Variants in OPRM1 observed in about 807,000 individuals in gnomAD.
OPRM1 encodes the protein mu-type opioid receptor.
Under a neutral mutation model 31.8 loss-of-function variants are expected in OPRM1, and 27 were observed. The observed-to-expected ratio is 0.85, with a 90% CI of 0.63 to 1.17. The LOEUF is 1.17. Ranked by LOEUF, OPRM1 falls within the 50% of genes most tolerant of loss-of-function variation. The pLI is 0.00. For missense variants in OPRM1, 536 were observed against 511.1 expected (o/e 1.05, Z -0.47); for synonymous variants, 196 against 189.9 (o/e 1.03, Z -0.26).
At chr6:154,229,477 G>A (rs1289942608) in intron 3 of OPRM1, among the ~76,000 whole-genome samples, 49 of 150,668 alleles carry the variant, frequency 3.3e-4, no homozygotes. Flanking sequence ...AGCCTCCCGA[G>A]TAGCTGGGAC....
intron 1 of OPRM1, among the ~76,000 whole-genome samples, chr6:154,047,567 G>C (rs952130858): frequency 6.6e-6 from 1 of 152,080 alleles, no homozygotes; most frequent in Non-Finnish European, 1.5e-5. Context: ...GATGCAAAGA[G>C]GTTCCACCAA....
At chr6:154,105,943 T>G (rs1795501166) in intron 3 of OPRM1, among the ~76,000 whole-genome samples, 1 of 152,238 alleles carries the variant, frequency 6.6e-6, no homozygotes, top group Non-Finnish European at 1.5e-5. Flanking sequence ...AAACCTTTTA[T>G]AACCATTTAC....
In OPRM1 at chr6:154,039,765, T is replaced by C. The variant is rs564629810; in HGVS notation, c.221T>C (p.Met74Thr). 48 of 1,605,334 alleles carry C rather than the reference T, an allele frequency of 3.0e-5. No individual in the cohort carries two copies. The East Asian group carries it at 9.8e-4, about 33-fold the overall frequency. Residue 74 changes from methionine to threonine, a missense_variant, in exon 1 of 4, where the codon ATG becomes ACG. By Grantham distance (81) the Met-to-Thr change is moderately conservative (BLOSUM62 -1). Transcript: ENST00000330432. ...SPSMITAITI[M>T]ALYSIVCVVG... is the part of the protein sequence containing the mutation. Reference sequence around the variant, plus strand: ...TCCATGATCACGGCCATCACGATCATGGCCCTCTACTCCATCGTGTGCGTG... The same window carrying C: ...TCCATGATCACGGCCATCACGATCACGGCCCTCTACTCCATCGTGTGCGTG...
intron 3 of OPRM1, among the ~76,000 whole-genome samples, chr6:154,111,941 A>G (rs1282703094): frequency 6.6e-6 from 1 of 151,794 alleles, no homozygotes; most frequent in African/African-American, 2.4e-5. Context: ...AATTTTTTGT[A>G]TTTTTAGTAG....
In OPRM1 at chr6:154,054,097, C is replaced by T. The variant is rs151225097; in HGVS notation, c.290+14263C>T. On this transcript the variant is annotated intron_variant, in intron 1 of 3. Transcript: ENST00000330432. The stretch of plus-strand genomic sequence containing the variant: ...TTACCTGGAAAGCTTACACCGGTCT[C>T]GGTGGCTCACGCCTGTAATCTCAGC... Among the ~76,000 whole-genome samples the T allele has an allele frequency of 3.6e-3, 544 of 152,178 alleles. 5 individuals are homozygous for T. Among genetic ancestry groups the T allele is most frequent in the Middle Eastern group, 6.8e-3 (2 of 292 alleles).
chr6:154,165,394 C>A (rs1222496081), intron 3 of OPRM1, among the ~76,000 whole-genome samples: 3 of 152,184 alleles, frequency 2.0e-5, no homozygotes, highest in African/African-American at 4.8e-5. Context: ...CATGAACATG[C>A]ACACATGTAC....
chr6:154,089,883 T>C lies in OPRM1; in HGVS notation c.348T>C (p.Asp116=), dbSNP rs368512118. The change falls in exon 2 of 4, where the codon GAT becomes GAC. Residue 116 remains aspartate, a synonymous_variant. Coordinates refer to ENST00000330432, the MANE Select transcript of OPRM1 (RefSeq NM_000914.5). ...ACATTTTCAACCTTGCTCTGGCAGA[T>C]GCCTTAGCCACCAGTACCCTGCCCT... ...NIYIFNLALA[D]ALATSTLPFQ... is the part of the protein sequence containing the mutation. 8 of 1,614,168 alleles carry C rather than the reference T, an allele frequency of 5.0e-6. No homozygotes were observed. Among genetic ancestry groups the C allele is most frequent in the Admixed American group, 3.3e-5 (2 of 60,020 alleles).
intron 3 of OPRM1, among the ~76,000 whole-genome samples, chr6:154,163,324 CT>C (rs761832972): frequency 5.9e-5 from 9 of 152,192 alleles, no homozygotes; most frequent in Non-Finnish European, 1.2e-4. Context: ...GTTTTTGTTC[CT>C]TTTGCCTGAA....
At chr6:154,033,369 C>T (rs955307726) in intron 1 of OPRM1, among the ~76,000 whole-genome samples, 2 of 152,070 alleles carry the variant, frequency 1.3e-5, no homozygotes, top group African/African-American at 4.8e-5. Context: ...GAATAAAGTG[C>T]CAGTTTTTAA....
At chr6:154,105,751 A>C (rs184467180) in intron 3 of OPRM1, among the ~76,000 whole-genome samples, 3 of 152,232 alleles carry the variant, frequency 2.0e-5, no homozygotes. Flanking sequence ...TAACACATTT[A>C]TGCAAATATA....
chr6:154,209,794 C>G (rs759601805), intron 3 of OPRM1, among the ~76,000 whole-genome samples: 1 of 151,812 alleles, frequency 6.6e-6, no homozygotes, highest in Non-Finnish European at 1.5e-5. Flanking sequence ...AATATGTGAT[C>G]AGGAGGAACA....
intron 3 of OPRM1, among the ~76,000 whole-genome samples, chr6:154,179,877 A>T (rs1800682154): frequency 1.3e-5 from 2 of 152,178 alleles, no homozygotes. Flanking sequence ...AACCTTGTTA[A>T]CATGTAGATT....
chr6:154,067,087 A>T (rs1291814324), intron 1 of OPRM1, among the ~76,000 whole-genome samples: 2 of 151,950 alleles, frequency 1.3e-5, no homozygotes, highest in Non-Finnish European at 2.9e-5. Flanking sequence ...CTAGTTAAAG[A>T]TTTGCCAATT....
chr6:154,192,279 G>A (rs4626437), intron 3 of OPRM1, among the ~76,000 whole-genome samples: 14,367 of 150,544 alleles, frequency 0.095, 1,076 homozygotes, highest in African/African-American at 0.21. Context: ...TTTGCTGGCT[G>A]ATTTCTGTTT....
intron 3 of OPRM1, among the ~76,000 whole-genome samples, chr6:154,243,555 A>G (rs1490466743): frequency 6.6e-6 from 1 of 152,250 alleles, no homozygotes; most frequent in Non-Finnish European, 1.5e-5. Flanking sequence ...TCAGGCAATG[A>G]CGGAGAGAGA....
downstream of OPRM1, among the ~76,000 whole-genome samples, chr6:154,135,384 C>T (rs1476370785): frequency 2.6e-5 from 4 of 151,922 alleles, no homozygotes; most frequent in South Asian, 2.1e-4. Context: ...CAGGGAGAAT[C>T]GCTTGAATCT....
chr6:154,054,469 G>A (rs1782837849), intron 1 of OPRM1, among the ~76,000 whole-genome samples: 1 of 151,992 alleles, frequency 6.6e-6, no homozygotes, highest in African/African-American at 2.4e-5. Context: ...AGTTCCCCTG[G>A]TGACTCTACC....
chr6:154,067,153 TTTA>T (rs764507282), intron 1 of OPRM1, among the ~76,000 whole-genome samples: 116 of 152,224 alleles, frequency 7.6e-4, no homozygotes, highest in Non-Finnish European at 1.4e-3. Flanking sequence ...TCTATTTTTT[TTTA>T]GTTTCTATTT....
intron 1 of OPRM1, 199 bp from the exon 2 acceptor site, chr6:154,089,627 T>C (rs1791542200): frequency 1.7e-6 from 1 of 574,388 alleles, no homozygotes; most frequent in Non-Finnish European, 3.1e-6. Context: ...AGCAGCATCG[T>C]TGCTATTATT....
Sources: allele counts gnomAD v4.1 joint callset (sites outside exome capture counted in the v4.1 genomes callset), GRCh38; gene constraint gnomAD v4.1.1; transcripts MANE v1.5; gene names NCBI Gene and HGNC (gene_info 2026-07-23, HGNC 2026-07-21).